The following PIGG variants were observed in gnomAD, a reference collection of about 807,000 sequenced individuals.
PIGG encodes the protein GPI ethanolamine phosphate transferase 2, catalytic subunit.
A neutral mutation model predicts 83.2 loss-of-function variants in PIGG; 70 were observed. That is an observed-to-expected ratio of 0.84 (90% CI 0.69 to 1.03). PIGG has a LOEUF of 1.03. PIGG is among the 50% of genes least tolerant of loss of function. The pLI, the probability that PIGG is intolerant of heterozygous loss-of-function variation, is 0.00. For synonymous variants in PIGG, 532 were observed against 519.5 expected, an observed-to-expected ratio of 1.02 and a Z score of -0.33; for missense variants, 1,257 against 1,233.6, an observed-to-expected ratio of 1.02 and a Z score of -0.28.
chr4:528,649 C>T lies in PIGG; in HGVS notation c.2261+1419C>T. On this transcript the variant is annotated intron_variant, in intron 10 of 12. Coordinates refer to ENST00000453061, the MANE Select transcript of PIGG (RefSeq NM_001127178.3). This position sits in a 1 kb window ranked among gnomAD's most constrained non-coding sequence, Gnocchi z 4.8. ...ACTTTGGAATCTGAGACTTAGGGCT[C>T]ATCCAAATGGATGTTACATTTGCGG... The T allele has an allele frequency of 1.0e-6, 1 of 985,264 alleles. No homozygotes were observed. Among genetic ancestry groups the T allele is most frequent in the South Asian group, 4.7e-5 (1 of 21,282 alleles). 61.0% of individuals were successfully genotyped at this position (985,264 alleles called of 1,614,324 possible).
At chr4:529,564 C>CATTTAA (rs1460999117) in intron 10 of PIGG, among the ~76,000 whole-genome samples, 1 of 152,102 alleles carries the variant, frequency 6.6e-6, no homozygotes, top group Admixed American at 6.5e-5. Flanking sequence ...GATTTGTAGG[C>CATTTAA]TGTGTGAAGC....
At chr4:518,716 G>A (rs1448029450) in intron 6 of PIGG, among the ~76,000 whole-genome samples, 3 of 152,154 alleles carry the variant, frequency 2.0e-5, no homozygotes, top group Non-Finnish European at 4.4e-5. Flanking sequence ...AAACCAGCCT[G>A]TTAAAGGAAT....
chr4:521,759 T>G lies in PIGG; in HGVS notation c.1432T>G (p.Leu478Val). 6.2e-7 allele frequency: 1 copy of G among 1,614,178 alleles called. No homozygotes were observed. Among genetic ancestry groups the G allele is most frequent in the African/African-American group, 1.3e-5 (1 of 75,042 alleles). ...TCCTGGGTTTTCTCTGCTCTTTTAT[T>G]TGGTGATCCTGGTTCTTTCGGCCGT... ...SSPGFSLLFY[L>V]VILVLSAVHV... The change falls in exon 8 of 13, where the codon TTG becomes GTG. Residue 478 changes from leucine to valine, a missense_variant. Leu to Val is a conservative substitution (Grantham distance 32, BLOSUM62 1). Transcript: ENST00000453061.
At chr4:509,334 TAGC>T (rs1375693522) in intron 5 of PIGG, among the ~76,000 whole-genome samples, 4 of 152,176 alleles carry the variant, frequency 2.6e-5, no homozygotes, top group Admixed American at 1.3e-4. Context: ...ATCTATTGAA[TAGC>T]AGTGTCAACA....
At chr4:512,893 A>T (rs1722648471) in intron 5 of PIGG, among the ~76,000 whole-genome samples, 1 of 151,996 alleles carries the variant, frequency 6.6e-6, no homozygotes, top group Admixed American at 6.6e-5. Context: ...GAGCATGGGG[A>T]GATGGGAAGG....
chr4:526,196 C>T (rs932334491), intron 9 of PIGG, among the ~76,000 whole-genome samples: 3 of 152,188 alleles, frequency 2.0e-5, no homozygotes, highest in Non-Finnish European at 4.4e-5. Flanking sequence ...TTATAACAAT[C>T]CTGAAGATTG....
chr4:520,306 G>A (rs539818155), intron 6 of PIGG, among the ~76,000 whole-genome samples: 2 of 152,224 alleles, frequency 1.3e-5, no homozygotes, highest in Non-Finnish European at 2.9e-5. Flanking sequence ...GTGTGGTCCC[G>A]GCAGAGGCTC....
At position 507,523 on chromosome 4, in the gene PIGG, CCCT is replaced by C; in HGVS notation, c.690_692del (p.Leu231del). On this transcript the variant is annotated inframe_deletion, in exon 4 of 13. Coordinates refer to ENST00000453061, the MANE Select transcript of PIGG (RefSeq NM_001127178.3). ...GGCCACATTTCAGGGCCCAACAGCC[CCCT>C]GATTGGGCAGAAGCTGAGCGAGATG... The C allele has an allele frequency of 6.2e-7, 1 of 1,614,168 alleles. No individual in the cohort carries two copies. The highest frequency in any genetic ancestry group is 8.5e-7 in the Non-Finnish European group (1 of 1,179,988).
chr4:520,808 G>C (rs780682984), intron 6 of PIGG, among the ~76,000 whole-genome samples: 1 of 152,212 alleles, frequency 6.6e-6, no homozygotes, highest in Non-Finnish European at 1.5e-5. Context: ...GCCATCCGCG[G>C]GTGTATGCCA....
rs1185604343 is a variant in PIGG at position 510,073 on chromosome 4, A to T, written c.901+1103A>T. Among the ~76,000 whole-genome samples, 121 of 152,238 alleles carry T rather than the reference A, an allele frequency of 7.9e-4. 1 individual carries two copies. Among genetic ancestry groups the T allele is most frequent in the Non-Finnish European group, 5.9e-5 (4 of 68,012 alleles). ...GACCAGCTCGGTCCGGGAGACTTTG[A>T]CCCAGCAGCGCTAGAGGAATTAAAG... On this transcript the variant is annotated intron_variant, in intron 5 of 12. Transcript: ENST00000453061.
At chr4:533,729 TTCACGCTAACATCGTGGC>T (rs1294677827) in intron 11 of PIGG, 71 bp from the exon 12 acceptor site, 100 of 1,276,314 alleles carry the variant, frequency 7.8e-5, no homozygotes, top group African/African-American at 2.0e-4. Flanking sequence ...GCCTACACAG[TTCACGCTAACATCGTGGC>T]TCACGCTAAC....
rs767003985 is a variant in PIGG at position 530,679 on chromosome 4, G to C, written c.2505G>C (p.Leu835=). Residue 835 remains leucine, a synonymous_variant, in exon 11 of 13, where the codon CTG becomes CTC. Transcript: ENST00000453061. Reference sequence around the variant, plus strand: ...TGACTAAATTCATCTGGAAGCCCCTGAGACACGATGCAGCTGAGATTACTG... The same window carrying C: ...TGACTAAATTCATCTGGAAGCCCCTCAGACACGATGCAGCTGAGATTACTG... The part of the protein sequence containing the change: ...TLMTKFIWKP[L]RHDAAEITVM... 1.4e-5 allele frequency: 23 copies of C among 1,613,850 alleles called. No individual in the cohort carries two copies. Among genetic ancestry groups the C allele is most frequent in the Admixed American group, 5.0e-5 (3 of 60,028 alleles).
rs1000325315 is a variant in PIGG, at chr4:515,206, C to T, written c.902-767C>T. ...GGCCTCTTGGCGCCCTGCCGGTGTA[C>T]GTTGAATTCCAGGGTGTGGAGCTGT... is the stretch of plus-strand genomic sequence containing the variant. On this transcript the variant is annotated intron_variant, in intron 5 of 12. Coordinates refer to ENST00000453061, the MANE Select transcript of PIGG (RefSeq NM_001127178.3). This position sits in a 1 kb window ranked among gnomAD's most constrained non-coding sequence, Gnocchi z 4.2. 4.6e-5 allele frequency among the ~76,000 whole-genome samples: 7 copies of T among 152,252 alleles called. No individual in the cohort carries two copies. Among genetic ancestry groups the T allele is most frequent in the East Asian group, 1.9e-4 (1 of 5,204 alleles).
In PIGG at chr4:520,953, G is replaced by C; in HGVS notation, c.1115-103G>C. 10 of 787,222 alleles carry C rather than the reference G, an allele frequency of 1.3e-5. No homozygotes were observed. In the South Asian group the frequency reaches 1.3e-4, roughly 10 times the overall value. 48.8% of individuals were successfully genotyped at this position (787,222 alleles called of 1,614,324 possible). ...TAAGCGTCAGTTGTGAAAAGTGAAG[G>C]CTTTGCCGTGTGCCATGCATAACCG... On this transcript the variant is annotated intron_variant, in intron 6 of 12. Transcript: ENST00000453061.
chr4:521,353 T>C (rs888038023), intron 7 of PIGG, 80 bp downstream of exon 7: 17 of 855,182 alleles, frequency 2.0e-5, no homozygotes, highest in Admixed American at 5.7e-5. Flanking sequence ...TTTAAATATA[T>C]ATATAGGTGT....
At position 522,184 on chromosome 4, in the gene PIGG, G is replaced by A. The variant is rs1177555293; in HGVS notation, c.1614+243G>A. On this transcript the variant is annotated intron_variant, in intron 8 of 12. Coordinates refer to ENST00000453061, the MANE Select transcript of PIGG (RefSeq NM_001127178.3). The stretch of plus-strand genomic sequence containing the variant: ...GGTCAGATGCCTCAGTTCTTGGAAA[G>A]CTAGGTTCCTGCGACTGTTACCAAG... The A allele has an allele frequency of 1.2e-5, 7 of 603,314 alleles. No individual in the cohort carries two copies. In the Admixed American group the frequency reaches 1.4e-4, roughly 12 times the overall value. 37.4% of individuals were successfully genotyped at this position (603,314 alleles called of 1,614,324 possible).
At chr4:530,846 T>C in intron 11 of PIGG, 101 bp downstream of exon 11, 1 of 802,328 alleles carries the variant, frequency 1.2e-6, no homozygotes. Flanking sequence ...AAAGTGACTG[T>C]CAGTGTGGCA....
rs1233615596 is a variant in PIGG, at chr4:533,924, C to A, written c.2678C>A (p.Ala893Glu). Residue 893 changes from alanine (A) to glutamate (E), a missense_variant, in exon 12 of 13, where the codon GCA becomes GAA. Ala to Glu is a moderately radical substitution (Grantham distance 107). Coordinates refer to ENST00000453061, the MANE Select transcript of PIGG (RefSeq NM_001127178.3). ...AVLLTAFGTY[A>E]GPVLWASHLV... ...CTCCTGACAGCGTTTGGGACGTACG[C>A]AGGGCCTGTGCTGTGGGCCAGCCAC... 1 of 1,614,190 alleles carries A rather than the reference C, an allele frequency of 6.2e-7. No individual in the cohort carries two copies. The highest frequency in any genetic ancestry group is 8.5e-7 in the Non-Finnish European group (1 of 1,180,000).
At chr4:512,295 C>T (rs1028008949) in intron 5 of PIGG, among the ~76,000 whole-genome samples, 1 of 147,566 alleles carries the variant, frequency 6.8e-6, no homozygotes. Context: ...TCTCGGCTCA[C>T]TGCCACCTCC....
Sources: allele counts gnomAD v4.1 joint callset (sites outside exome capture counted in the v4.1 genomes callset), GRCh38; gene constraint gnomAD v4.1.1; non-coding constraint Gnocchi (gnomAD v3.1); transcripts MANE v1.5; gene names NCBI Gene and HGNC (gene_info 2026-07-23, HGNC 2026-07-21).